Variants in MAGI2 observed in about 807,000 individuals in gnomAD.
The protein encoded by MAGI2 is membrane-associated guanylate kinase, WW and PDZ domain-containing protein 2.
In MAGI2, 35 loss-of-function variants were observed where a neutral mutation model predicts 133.3. The ratio of observed to expected loss-of-function variants is 0.26; its 90% CI spans 0.20 to 0.35. MAGI2 has a LOEUF of 0.35. Among genes scored for constraint, MAGI2 ranks in the 10% least tolerant of loss-of-function variants. MAGI2 has a pLI of 1.00. For missense variants in MAGI2, 1,636 were observed against 1,863.4 expected, an observed-to-expected ratio of 0.88 and a Z score of 2.25; for synonymous variants, 729 against 710.6, an observed-to-expected ratio of 1.03 and a Z score of -0.41.
chr7:79,206,268 A>G (rs1829054513), intron 1 of MAGI2, among the ~76,000 whole-genome samples: 1 of 151,774 alleles, frequency 6.6e-6, no homozygotes. Context: ...TACGAATACA[A>G]TAGAAAAATT....
intron 1 of MAGI2, among the ~76,000 whole-genome samples, chr7:79,395,130 A>T (rs1027068135): frequency 6.6e-6 from 1 of 152,232 alleles, no homozygotes; most frequent in Non-Finnish European, 1.5e-5. Flanking sequence ...TTATAAAAAT[A>T]AGCCCAAAGT....
At chr7:78,068,195 A>C (rs939929902) in intron 21 of MAGI2, among the ~76,000 whole-genome samples, 1 of 152,194 alleles carries the variant, frequency 6.6e-6, no homozygotes, top group African/African-American at 2.4e-5. Flanking sequence ...AGGAGCAGGC[A>C]ACCTAGATCC....
intron 1 of MAGI2, among the ~76,000 whole-genome samples, chr7:79,446,291 G>C (rs1475936024): frequency 1.3e-5 from 2 of 152,058 alleles, no homozygotes; most frequent in Non-Finnish European, 2.9e-5. Flanking sequence ...CGTTGAGCAC[G>C]TGTACCCCGA....
chr7:78,382,762 C>G (rs1432896268), intron 6 of MAGI2, among the ~76,000 whole-genome samples: 1 of 152,008 alleles, frequency 6.6e-6, no homozygotes, highest in Non-Finnish European at 1.5e-5. Context: ...CTCCCCTCAA[C>G]TTCCACTCAC....
chr7:78,876,896 A>ATTTATTCAATCATTTG lies in MAGI2; in HGVS notation c.418+130193_418+130194insCAAATGATTGAATAAA, dbSNP rs569856038. ...TTTGTCTATTCTTCCTCATTTATTT[A>ATTTATTCAATCATTTG]TTTATAAGTGTGGACTTACAGAAAT... On this transcript the variant is annotated intron_variant, in intron 2 of 21. Transcript: ENST00000354212. Among the ~76,000 whole-genome samples the ATTTATTCAATCATTTG allele has an allele frequency of 1.1e-3, 169 of 152,238 alleles. 2 individuals carry two copies. The highest frequency in any genetic ancestry group is 3.9e-3 in the African/African-American group (160 of 41,542).
intron 2 of MAGI2, among the ~76,000 whole-genome samples, chr7:78,755,151 AAAGGGT>A (rs1156423630): frequency 4.6e-5 from 7 of 152,334 alleles, no homozygotes; most frequent in Admixed American, 4.6e-4. Context: ...TGCTTTTCTG[AAAGGGT>A]AAGAATTTAT....
intron 2 of MAGI2, 36 bp downstream of exon 2, chr7:79,007,054 C>T: frequency 1.4e-6 from 2 of 1,383,058 alleles, no homozygotes; most frequent in Admixed American, 2.3e-5. Context: ...ATTTATCTCT[C>T]AACATAAAAA....
intron 1 of MAGI2, among the ~76,000 whole-genome samples, chr7:79,155,162 A>G (rs1190370122): frequency 6.6e-6 from 1 of 152,168 alleles, no homozygotes; most frequent in Non-Finnish European, 1.5e-5. Flanking sequence ...CTTACTGTTA[A>G]TGGGTATAGC....
intron 1 of MAGI2, among the ~76,000 whole-genome samples, chr7:79,311,807 T>C (rs147931597): frequency 1.8e-3 from 277 of 152,268 alleles, no homozygotes; most frequent in African/African-American, 6.3e-3. Context: ...ACAGAGCCTT[T>C]CCCATCTCAG....
At chr7:79,309,715 G>T (rs191677883) in intron 1 of MAGI2, among the ~76,000 whole-genome samples, 1 of 151,660 alleles carries the variant, frequency 6.6e-6, no homozygotes, top group Admixed American at 6.6e-5. Flanking sequence ...ATCTTTCATC[G>T]TTTATGATGT....
At chr7:78,021,140 A>G (rs1431832810) in intron 21 of MAGI2, among the ~76,000 whole-genome samples, 1 of 152,202 alleles carries the variant, frequency 6.6e-6, no homozygotes, top group Non-Finnish European at 1.5e-5. Context: ...TGTGAGCAAC[A>G]ACAGTTCCCT....
Position 78,019,806 on chromosome 7 carries a change from C to T in MAGI2, c.3877G>A (p.Asp1293Asn), listed in dbSNP as rs370178341. The change falls in exon 22 of 22, where the codon GAC becomes AAC. Residue 1293 changes from aspartate to asparagine, a missense_variant. Physicochemically the swap from Asp to Asn is conservative, Grantham distance 23. Coordinates refer to ENST00000354212, the MANE Select transcript of MAGI2 (RefSeq NM_012301.4). ...GPTWDIKREH[D>N]VRKPKELSAC... Reference sequence around the variant, plus strand: ...GAAAGCTCCTTTGGTTTCCTAACGTCGTGTTCCCGTTTGATATCCCAAGTT... The same window carrying T: ...GAAAGCTCCTTTGGTTTCCTAACGTTGTGTTCCCGTTTGATATCCCAAGTT... 5 of 1,613,238 alleles carry T rather than the reference C, an allele frequency of 3.1e-6. No homozygotes were observed. The highest frequency in any genetic ancestry group is 4.2e-6 in the Non-Finnish European group (5 of 1,179,910).
At chr7:79,355,180 C>T (rs1277806719) in intron 1 of MAGI2, among the ~76,000 whole-genome samples, 3 of 152,168 alleles carry the variant, frequency 2.0e-5, no homozygotes. Context: ...GATTCTTCCC[C>T]CTCTCACTCT....
intron 1 of MAGI2, among the ~76,000 whole-genome samples, chr7:79,384,675 T>C (rs968326581): frequency 2.6e-5 from 4 of 151,638 alleles, no homozygotes; most frequent in African/African-American, 9.7e-5. Flanking sequence ...CTTATATATA[T>C]TAAATAGGTA....
At chr7:78,098,581 T>G (rs1411827697) in intron 20 of MAGI2, among the ~76,000 whole-genome samples, 1 of 152,166 alleles carries the variant, frequency 6.6e-6, no homozygotes, top group Non-Finnish European at 1.5e-5. Context: ...AATGTATCCT[T>G]GTGTACATTA....
At chr7:78,138,673 AC>A (rs1189918512) in intron 16 of MAGI2, among the ~76,000 whole-genome samples, 3 of 141,952 alleles carry the variant, frequency 2.1e-5, no homozygotes, top group Non-Finnish European at 4.7e-5. Flanking sequence ...ACACACACAC[AC>A]ACAATTTGTA....
chr7:78,475,609 T>C (rs1421084488), intron 6 of MAGI2, among the ~76,000 whole-genome samples: 3 of 151,676 alleles, frequency 2.0e-5, no homozygotes, highest in Non-Finnish European at 2.9e-5. Context: ...TATCTAGAAA[T>C]AATAACATCA....
chr7:78,673,293 G>GACAC (rs373754911), intron 2 of MAGI2, among the ~76,000 whole-genome samples: 1 of 150,904 alleles, frequency 6.6e-6, no homozygotes, highest in Admixed American at 6.6e-5. Flanking sequence ...CACACACACA[G>GACAC]ACACACACAC....
intron 2 of MAGI2, among the ~76,000 whole-genome samples, chr7:78,916,979 A>T (rs1798849501): frequency 6.6e-6 from 1 of 152,160 alleles, no homozygotes; most frequent in South Asian, 2.1e-4. Context: ...GTTTCAGAAC[A>T]TCCTGGCTCA....
Sources: gnomAD v4.1 joint callset for allele counts (sites outside exome capture counted in the v4.1 genomes callset) on GRCh38, gnomAD v4.1.1 for gene constraint, MANE v1.5 for transcripts, NCBI Gene and HGNC (gene_info 2026-07-23, HGNC 2026-07-21) for gene names.